ADAM7: variants seen among roughly 807,000 people sequenced by gnomAD.
ADAM7 encodes the protein disintegrin and metalloproteinase domain-containing protein 7.
Under a neutral mutation model 102.9 loss-of-function variants are expected in ADAM7, and 97 were observed. The observed-to-expected ratio is 0.94, with a 90% CI of 0.80 to 1.12. The LOEUF is 1.12. Among genes scored for constraint, ADAM7 ranks in the 50% most tolerant of loss-of-function variants. ADAM7 has a pLI of 0.00. For synonymous variants in ADAM7, 334 were observed against 304.4 expected, an observed-to-expected ratio of 1.10 and a Z score of -1.01; for missense variants, 991 against 908.7, an observed-to-expected ratio of 1.09 and a Z score of -1.16.
chr8:24,468,643 C>T (rs1819507892), intron 6 of ADAM7, 124 bp from the exon 7 acceptor site: 1 of 759,040 alleles, frequency 1.3e-6, no homozygotes, highest in Non-Finnish European at 2.2e-6. Flanking sequence ...ATTCATATGC[C>T]TCCCCATTTT....
At chr8:24,463,755 T>C (rs2129380862) in intron 3 of ADAM7, 127 bp from the exon 4 acceptor site, 2 of 700,706 alleles carry the variant, frequency 2.9e-6, no homozygotes, top group Non-Finnish European at 4.7e-6. Context: ...TGCTTTACTA[T>C]TTCTAGCGGA....
At position 24,452,759 on chromosome 8, in the gene ADAM7, A is replaced by G. The variant is rs572992349; in HGVS notation, c.233+5497A>G. On this transcript the variant is annotated intron_variant, in intron 3 of 21. Coordinates refer to ENST00000175238, the MANE Select transcript of ADAM7 (RefSeq NM_003817.4). Reference sequence around the variant, plus strand: ...TCTTCCTAGCCTCGATGGTCTTTACAATTTGGCATGATTTTGCAGTGGCTG... The same window carrying G: ...TCTTCCTAGCCTCGATGGTCTTTACGATTTGGCATGATTTTGCAGTGGCTG... Among the ~76,000 whole-genome samples, 918 of 151,744 alleles carry G rather than the reference A, an allele frequency of 6.0e-3. 5 individuals carry two copies. The highest frequency in any genetic ancestry group is 0.037 in the Middle Eastern group (11 of 294).
rs766349335 is a variant in ADAM7, at chr8:24,465,691, T to C, written c.313-8T>C. 1 of 1,572,376 alleles carries C rather than the reference T, an allele frequency of 6.4e-7. No homozygotes were observed. Among genetic ancestry groups the C allele is most frequent in the Non-Finnish European group, 8.6e-7 (1 of 1,159,492 alleles). ...TACATATAGTAATAGAGTCTTCTTC[T>C]ATTTTAGGATCATTGTTTTTACCAA... On this transcript the variant is annotated splice_polypyrimidine_tract_variant and splice_region_variant and intron_variant, in intron 4 of 21. Transcript: ENST00000175238.
intron 4 of ADAM7, among the ~76,000 whole-genome samples, chr8:24,464,466 T>C (rs1168243069): frequency 6.6e-6 from 1 of 152,230 alleles, no homozygotes; most frequent in African/African-American, 2.4e-5. Context: ...TAATAAAATC[T>C]AGATACAGAT....
At position 24,467,106 on chromosome 8, in the gene ADAM7, C is replaced by A; in HGVS notation, c.579+118C>A. 3.0e-6 allele frequency: 3 copies of A among 1,003,536 alleles called. No individual in the cohort carries two copies. The South Asian group carries it at 4.9e-5, about 16-fold the overall frequency. 62.2% of individuals were successfully genotyped at this position (1,003,536 alleles called of 1,614,324 possible). A position where few individuals can be genotyped will look rare whatever the true frequency, so the allele number is the denominator to read the frequency against. On this transcript the variant is annotated intron_variant, in intron 6 of 21. Transcript: ENST00000175238. Reference sequence around the variant, plus strand: ...TATATGTGCTACTTTCAGTCTGGCACTTCATCTGATATTTGAAATTGGAAA... The same window carrying A: ...TATATGTGCTACTTTCAGTCTGGCAATTCATCTGATATTTGAAATTGGAAA...
chr8:24,454,599 C>T lies in ADAM7; in HGVS notation c.233+7337C>T, dbSNP rs560461747. Among the ~76,000 whole-genome samples the T allele has an allele frequency of 6.6e-5, 10 of 152,302 alleles. No homozygotes were observed. The East Asian group carries it at 9.7e-4, about 15-fold the overall frequency. On this transcript the variant is annotated intron_variant, in intron 3 of 21. Transcript: ENST00000175238. The stretch of plus-strand genomic sequence containing the variant: ...GGAAAGGGAACTCCCTGATCCCTTG[C>T]GCTTCCCGGGGTGAGGCAATGCCTC...
At chr8:24,454,709 C>T (rs902538808) in intron 3 of ADAM7, among the ~76,000 whole-genome samples, 8 of 152,138 alleles carry the variant, frequency 5.3e-5, no homozygotes, top group Non-Finnish European at 1.2e-4. Flanking sequence ...GAACCCGGTA[C>T]CTCAGATGGA....
chr8:24,493,342 T>G, intron 16 of ADAM7, 113 bp downstream of exon 16: 3 of 922,332 alleles, frequency 3.3e-6, no homozygotes, highest in Middle Eastern at 2.9e-4. Context: ...GGAAAAAATA[T>G]TGACAAGTAT....
In ADAM7 at chr8:24,454,312, C is replaced by T. The variant is rs757252040; in HGVS notation, c.233+7050C>T. ...GAGCTGTGGTGGGCTCCACCCAGTT[C>T]GAGCTTCCTGGCTGCTTTGTTTACC... is the stretch of plus-strand genomic sequence containing the variant. On this transcript the variant is annotated intron_variant, in intron 3 of 21. Transcript: ENST00000175238. Among the ~76,000 whole-genome samples the T allele has an allele frequency of 3.9e-5, 6 of 152,358 alleles. No individual in the cohort carries two copies. In the South Asian group the frequency reaches 1.0e-3, roughly 26 times the overall value.
intron 3 of ADAM7, among the ~76,000 whole-genome samples, chr8:24,454,456 C>G (rs1036947608): frequency 6.6e-6 from 1 of 152,194 alleles, no homozygotes; most frequent in South Asian, 2.1e-4. Flanking sequence ...ACCCTCCGAG[C>G]CAGGTGCGGG....
chr8:24,473,524 T>A (rs2129385049), intron 7 of ADAM7, among the ~76,000 whole-genome samples: 1 of 152,254 alleles, frequency 6.6e-6, no homozygotes, highest in South Asian at 2.1e-4. Context: ...TTGTACATGT[T>A]TTCATGTCTC....
Position 24,485,242 on chromosome 8 carries a change from T to C in ADAM7, c.876-35T>C, listed in dbSNP as rs779485811. Reference sequence around the variant, plus strand: ...TCTTTGTGTTAATTAAACTACTAACTCAGATTGAAGACTATTTTTGCATCT... The same window carrying C: ...TCTTTGTGTTAATTAAACTACTAACCCAGATTGAAGACTATTTTTGCATCT... On this transcript the variant is annotated intron_variant, in intron 9 of 21. Transcript: ENST00000175238. 5 of 1,576,910 alleles carry C rather than the reference T, an allele frequency of 3.2e-6. No individual in the cohort carries two copies. The Admixed American group carries it at 8.4e-5, about 26-fold the overall frequency.
At chr8:24,490,976 C>A in intron 13 of ADAM7, 88 bp downstream of exon 13, 1 of 1,287,392 alleles carries the variant, frequency 7.8e-7, no homozygotes, top group South Asian at 1.3e-5. Flanking sequence ...GACAGCCCTG[C>A]ACCACTGACT....
chr8:24,467,681 T>C (rs1819474116), intron 6 of ADAM7: 1 of 152,278 alleles, frequency 6.6e-6, no homozygotes, highest in African/African-American at 2.4e-5. Flanking sequence ...TTTACCTCTG[T>C]TTTGTCCTCA....
At chr8:24,487,826 CG>C (rs1434363584) in intron 11 of ADAM7, among the ~76,000 whole-genome samples, 2 of 151,946 alleles carry the variant, frequency 1.3e-5, no homozygotes, top group Non-Finnish European at 2.9e-5. Context: ...CTAGTGATAC[CG>C]TGAGAGAAAT....
chr8:24,480,626 G>A lies in ADAM7; in HGVS notation c.706-1516G>A, dbSNP rs116707971. The stretch of plus-strand genomic sequence containing the variant: ...AGAAGGACAAATAATATTTCCGTTT[G>A]CACTTGTGTGTAGTTTTGTAAACGT... On this transcript the variant is annotated intron_variant, in intron 8 of 21. Transcript: ENST00000175238. Among the ~76,000 whole-genome samples the A allele has an allele frequency of 7.3e-3, 1,111 of 152,224 alleles. 8 individuals are homozygous for A. The highest frequency in any genetic ancestry group is 0.026 in the African/African-American group (1,063 of 41,534).
At chr8:24,443,572 C>G (rs980332829) in intron 2 of ADAM7, among the ~76,000 whole-genome samples, 1 of 152,176 alleles carries the variant, frequency 6.6e-6, no homozygotes, top group Non-Finnish European at 1.5e-5. Flanking sequence ...AGCTTTCTAC[C>G]ACCCACTGTG....
Position 24,462,100 on chromosome 8 carries a change from G to A in ADAM7, c.234-1782G>A, listed in dbSNP as rs545476112. On this transcript the variant is annotated intron_variant, in intron 3 of 21. Transcript: ENST00000175238. ...TGAAATGGACTCCAAATTCTGTTAC[G>A]TTCTGCTGAAGAGTTCTCATATTTT... Among the ~76,000 whole-genome samples the A allele has an allele frequency of 4.6e-5, 7 of 152,254 alleles. No homozygotes were observed. In the South Asian group the frequency reaches 8.3e-4, roughly 18 times the overall value.
rs1437450109 is a variant in ADAM7, at chr8:24,507,540, G to A, written c.2264+5G>A. On this transcript the variant is annotated splice_donor_5th_base_variant and intron_variant, in intron 21 of 21. Transcript: ENST00000175238. ...TCCCAATCAAAGTGCCAAGTGGTAG[G>A]TTACCCTGACAGATAGTACCTCCCT... The A allele has an allele frequency of 3.1e-6, 5 of 1,608,672 alleles. No homozygotes were observed. Among genetic ancestry groups the A allele is most frequent in the Non-Finnish European group, 3.4e-6 (4 of 1,175,166 alleles).
Sources: allele counts gnomAD v4.1 joint callset (sites outside exome capture counted in the v4.1 genomes callset), GRCh38; gene constraint gnomAD v4.1.1; transcripts MANE v1.5; gene names NCBI Gene and HGNC (gene_info 2026-07-23, HGNC 2026-07-21).